The following EML4 variants were observed in gnomAD, a reference collection of about 807,000 sequenced individuals.
EML4 encodes the protein EMAP like 4.
Under a neutral mutation model 129.0 loss-of-function variants are expected in EML4, and 72 were observed. The observed-to-expected ratio is 0.56, with a 90% CI of 0.46 to 0.68. The LOEUF (loss-of-function observed/expected upper bound fraction) is 0.68, where lower values mean the gene tolerates loss of function less well. Ranked by LOEUF, EML4 falls within the 30% of genes least tolerant of loss-of-function variation. The pLI is 0.00. For synonymous variants in EML4, 532 were observed against 405.0 expected (o/e 1.31, Z -3.77); for missense variants, 1,363 against 1,190.6 (o/e 1.14, Z -2.13).
intron 1 of EML4, among the ~76,000 whole-genome samples, chr2:42,203,813 C>T (rs1196431931): frequency 6.6e-6 from 1 of 151,326 alleles, no homozygotes; most frequent in South Asian, 2.1e-4. Flanking sequence ...GGGAAAGAGT[C>T]CCCTGTAACT....
At position 42,332,047 on chromosome 2, in the gene EML4, C is replaced by CAT. The variant is rs1428887417; in HGVS notation, c.*1847_*1848dup. The CAT allele has an allele frequency of 4.5e-6, 1 of 222,472 alleles. No individual in the cohort carries two copies. 13.8% of individuals were successfully genotyped at this position (222,472 alleles called of 1,614,324 possible). A position where few individuals can be genotyped will look rare whatever the true frequency, so the allele number is the denominator to read the frequency against. Reference sequence around the variant, plus strand: ...TCGGAGCGCGCCAGTAAGTATCAGGCATATATATCTGTCTGTTAGCAATGA... The same window carrying CAT: ...TCGGAGCGCGCCAGTAAGTATCAGGCATATATATATCTGTCTGTTAGCAATGA... On this transcript the variant is annotated 3_prime_UTR_variant, in exon 23 of 23. Coordinates refer to ENST00000318522, the MANE Select transcript of EML4 (RefSeq NM_019063.5).
intron 20 of EML4, 109 bp from the exon 21 acceptor site, chr2:42,326,045 T>A (rs2103836145): frequency 7.0e-7 from 1 of 1,427,720 alleles, no homozygotes; most frequent in Non-Finnish European, 9.4e-7. Flanking sequence ...TGTTTTTCAG[T>A]GTATGGATTA....
In EML4 at chr2:42,280,948, C is replaced by T. The variant is rs1572681643; in HGVS notation, c.766C>T (p.Pro256Ser). ...NYDDIRTELPPEKLKLEWAYG... is the reference protein window; with the variant it reads ...NYDDIRTELPSEKLKLEWAYG... ...TGATGACATCAGAACGGAACTGCCT[C>T]CTGAGAAGCTCAAACTGGAGTGGGC... is the stretch of plus-strand genomic sequence containing the variant. The change falls in exon 7 of 23, where the codon CCT (proline) becomes TCT (serine). Residue 256 changes from proline to serine, a missense_variant. Coordinates refer to ENST00000318522, the MANE Select transcript of EML4 (RefSeq NM_019063.5). 1.9e-6 allele frequency: 3 copies of T among 1,608,158 alleles called. No homozygotes were observed. Among genetic ancestry groups the T allele is most frequent in the Middle Eastern group, 1.6e-4 (1 of 6,062 alleles).
intron 2 of EML4, among the ~76,000 whole-genome samples, chr2:42,248,922 T>C (rs987752151): frequency 3.3e-5 from 5 of 152,172 alleles, no homozygotes; most frequent in African/African-American, 9.7e-5. Context: ...GTCCAACTAA[T>C]TATGTTTCCA....
At position 42,245,066 on chromosome 2, in the gene EML4, T is replaced by C. The variant is rs553350245; in HGVS notation, c.26-439T>C. ...TATGTGTCAACATGATGAGATGTTA[T>C]GGAGTTTTTTGTTTTGAAATTTTCT... On this transcript the variant is annotated intron_variant, in intron 1 of 22. Coordinates refer to ENST00000318522, the MANE Select transcript of EML4 (RefSeq NM_019063.5). 2.2e-4 allele frequency among the ~76,000 whole-genome samples: 33 copies of C among 150,004 alleles called. 2 individuals are homozygous for C. In the South Asian group the frequency reaches 5.9e-3, roughly 27 times the overall value.
intron 1 of EML4, among the ~76,000 whole-genome samples, chr2:42,236,227 C>G (rs1674665156): frequency 6.6e-6 from 1 of 152,110 alleles, no homozygotes; most frequent in African/African-American, 2.4e-5. Context: ...TCATCATGTT[C>G]CTGAGATTCA....
intron 1 of EML4, among the ~76,000 whole-genome samples, chr2:42,244,098 TTTG>T (rs1675220475): frequency 2.2e-5 from 1 of 46,362 alleles, no homozygotes; most frequent in Non-Finnish European, 4.9e-5. Flanking sequence ...GTTTTTGTTT[TTTG>T]TTTTTTTTTT....
intron 17 of EML4, among the ~76,000 whole-genome samples, chr2:42,309,962 T>C (rs1221685914): frequency 6.6e-6 from 1 of 152,262 alleles, no homozygotes; most frequent in Non-Finnish European, 1.5e-5. Context: ...TTTATAGTTT[T>C]AGCTCTTACC....
Position 42,288,271 on chromosome 2 carries a change from T to C in EML4, c.1167T>C (p.His389=), listed in dbSNP as rs1179771213. The stretch of plus-strand genomic sequence containing the variant: ...GTATTATTGATGACTCCAATGAGCA[T>C]ATGCTTACTGTATGGGACTGGCAGA... ...HLCIIDDSNE[H]MLTVWDWQKK... is the part of the protein sequence containing the mutation. Residue 389 remains histidine, a synonymous_variant, in exon 11 of 23, where the codon CAT becomes CAC. Coordinates refer to ENST00000318522, the MANE Select transcript of EML4 (RefSeq NM_019063.5). 2 of 1,576,684 alleles carry C rather than the reference T, an allele frequency of 1.3e-6. No individual in the cohort carries two copies. The highest frequency in any genetic ancestry group is 2.3e-5 in the East Asian group (1 of 43,826).
chr2:42,185,775 C>T (rs145325443), intron 1 of EML4, among the ~76,000 whole-genome samples: 4 of 152,096 alleles, frequency 2.6e-5, no homozygotes, highest in Admixed American at 6.6e-5. Flanking sequence ...TTAGTTTGCT[C>T]GTACTGGGGA....
rs935133018 is a variant in EML4, at chr2:42,234,972, C to T, written c.26-10533C>T. ...AGGAGTTCAAGGCCAGCCTGGCCAA[C>T]GTGGCGAAACCCCATCTCTACTAAA... On this transcript the variant is annotated intron_variant, in intron 1 of 22. Transcript: ENST00000318522. Among the ~76,000 whole-genome samples, 13 of 152,242 alleles carry T rather than the reference C, an allele frequency of 8.5e-5. No homozygotes were observed. The South Asian group carries it at 1.0e-3, about 12-fold the overall frequency.
At chr2:42,201,674 C>T (rs1011493240) in intron 1 of EML4, among the ~76,000 whole-genome samples, 12 of 152,152 alleles carry the variant, frequency 7.9e-5, no homozygotes, top group African/African-American at 2.9e-4. Context: ...GTCATTTGCA[C>T]AACATGGATG....
Position 42,330,346 on chromosome 2 carries a change from CTTATT to C in EML4, c.*142_*146del, listed in dbSNP as rs755916401. The C allele has an allele frequency of 7.2e-5, 57 of 788,136 alleles. No homozygotes were observed. Among genetic ancestry groups the C allele is most frequent in the Non-Finnish European group, 1.1e-4 (52 of 463,672 alleles). The allele number at this position is 788,136 out of a possible 1,614,324, so 48.8% of individuals were successfully genotyped here. A position where few individuals can be genotyped will look rare whatever the true frequency, so the allele number is the denominator to read the frequency against. On this transcript the variant is annotated 3_prime_UTR_variant, in exon 23 of 23. Transcript: ENST00000318522. ...CATGTGATTTGTTTTCTTCAATAGT[CTTATT>C]TTCAGTCTCTCAAATACAGCCAACT...
intron 17 of EML4, among the ~76,000 whole-genome samples, chr2:42,313,372 A>T (rs1359301664): frequency 6.6e-6 from 1 of 152,164 alleles, no homozygotes; most frequent in African/African-American, 2.4e-5. Context: ...CTCTCTCACC[A>T]TGGGCCATGG....
At chr2:42,327,230 G>C (rs1304425206) in intron 21 of EML4, among the ~76,000 whole-genome samples, 1 of 152,172 alleles carries the variant, frequency 6.6e-6, no homozygotes, top group East Asian at 1.9e-4. Context: ...ATGACATTTT[G>C]TTAATTCATT....
chr2:42,275,431 C>G (rs898510115), intron 6 of EML4, among the ~76,000 whole-genome samples: 4 of 152,116 alleles, frequency 2.6e-5, no homozygotes, highest in African/African-American at 9.7e-5. Flanking sequence ...AATTTTGGAA[C>G]AAAGTCTAAA....
chr2:42,277,804 T>C (rs1414796423), intron 6 of EML4, among the ~76,000 whole-genome samples: 1 of 152,146 alleles, frequency 6.6e-6, no homozygotes, highest in Non-Finnish European at 1.5e-5. Flanking sequence ...CCTGACCTCG[T>C]GATCTGTCTG....
At chr2:42,224,019 T>C (rs1257451824) in intron 1 of EML4, among the ~76,000 whole-genome samples, 2 of 152,156 alleles carry the variant, frequency 1.3e-5, no homozygotes, top group African/African-American at 2.4e-5. Flanking sequence ...TTCTTGCTTA[T>C]TGAATGAGGG....
chr2:42,244,672 G>C (rs974580195), intron 1 of EML4, among the ~76,000 whole-genome samples: 2 of 152,110 alleles, frequency 1.3e-5, no homozygotes, highest in African/African-American at 4.8e-5. Flanking sequence ...AGTTCTGTGG[G>C]GTGTGGGAGA....
Sources: allele counts gnomAD v4.1 joint callset (sites outside exome capture counted in the v4.1 genomes callset), GRCh38; gene constraint gnomAD v4.1.1; transcripts MANE v1.5; gene names NCBI Gene and HGNC (gene_info 2026-07-23, HGNC 2026-07-21).